NKAIN3: variants seen among roughly 807,000 people sequenced by gnomAD.
NKAIN3 encodes the protein sodium/potassium-transporting ATPase subunit beta-1-interacting protein 3.
A neutral mutation model predicts 30.2 loss-of-function variants in NKAIN3; 25 were observed. That is an observed-to-expected ratio of 0.83 (90% CI 0.60 to 1.16). NKAIN3 has a LOEUF of 1.16. Ranked by LOEUF, NKAIN3 falls within the 50% of genes most tolerant of loss-of-function variation. The pLI is 0.00. For missense variants in NKAIN3, 225 were observed against 254.1 expected (o/e 0.89, Z 0.78); for synonymous variants, 91 against 89.6 (o/e 1.02, Z -0.09).
At chr8:62,936,406 G>A (rs910290284) in intron 5 of NKAIN3, among the ~76,000 whole-genome samples, 5 of 152,074 alleles carry the variant, frequency 3.3e-5, no homozygotes, top group Admixed American at 2.6e-4. Flanking sequence ...AGTGGAGCCT[G>A]GGACTCCATA....
chr8:62,817,401 A>AGTGG (rs1479431783), intron 4 of NKAIN3, among the ~76,000 whole-genome samples: 5 of 152,082 alleles, frequency 3.3e-5, no homozygotes, highest in African/African-American at 1.2e-4. Flanking sequence ...ATTTGTTTCG[A>AGTGG]GTGGGAAGTT....
At chr8:62,870,051 T>C (rs1440381164) in intron 4 of NKAIN3, among the ~76,000 whole-genome samples, 2 of 151,492 alleles carry the variant, frequency 1.3e-5, no homozygotes, top group African/African-American at 4.9e-5. Flanking sequence ...ATTACAGGTG[T>C]GAGCCACCGC....
At chr8:62,782,611 G>A (rs1367853935) in intron 4 of NKAIN3, among the ~76,000 whole-genome samples, 1 of 151,660 alleles carries the variant, frequency 6.6e-6, no homozygotes, top group Non-Finnish European at 1.5e-5. Flanking sequence ...ATAAAGTCAT[G>A]TCATTCACTA....
Position 62,981,440 on chromosome 8 carries a change from C to A in NKAIN3, c.*16033C>A, listed in dbSNP as rs781629518. ...ATTTGGGTGTTAACACTTTGAAATA[C>A]CTTTACCTCCTTTGGGGGAAATCCA... On this transcript the variant is annotated 3_prime_UTR_variant, in exon 7 of 7. Transcript: ENST00000623646. 6.6e-6 allele frequency: 1 copy of A among 152,040 alleles called. No individual in the cohort carries two copies. The highest frequency in any genetic ancestry group is 1.5e-5 in the Non-Finnish European group (1 of 67,994). The allele number at this position is 152,040 out of a possible 1,614,324, so 9.4% of individuals were successfully genotyped here.
At chr8:62,499,835 T>TTTCTTTCC (rs1296092849) in intron 1 of NKAIN3, among the ~76,000 whole-genome samples, 1 of 151,310 alleles carries the variant, frequency 6.6e-6, no homozygotes, top group African/African-American at 2.4e-5. Context: ...TCTTTCTTTC[T>TTTCTTTCC]TTCCTTCTTT....
intron 1 of NKAIN3, among the ~76,000 whole-genome samples, chr8:62,466,792 A>G (rs888880254): frequency 3.3e-5 from 5 of 152,134 alleles, no homozygotes; most frequent in African/African-American, 1.2e-4. Context: ...TTTGCAATCC[A>G]TAGTTCTAAC....
chr8:62,277,072 A>T (rs1357663555), intron 1 of NKAIN3, among the ~76,000 whole-genome samples: 1 of 152,162 alleles, frequency 6.6e-6, no homozygotes, highest in East Asian at 1.9e-4. Flanking sequence ...AAATTTAATA[A>T]TGATGCATAT....
chr8:62,936,784 G>T (rs1320763647), intron 5 of NKAIN3, among the ~76,000 whole-genome samples: 1 of 151,920 alleles, frequency 6.6e-6, no homozygotes, highest in Non-Finnish European at 1.5e-5. Flanking sequence ...TGTTTATTCT[G>T]CTAAAAATGT....
chr8:62,492,679 A>C (rs995899115), intron 1 of NKAIN3, among the ~76,000 whole-genome samples: 1 of 152,174 alleles, frequency 6.6e-6, no homozygotes, highest in African/African-American at 2.4e-5. Flanking sequence ...CCAATTTTGA[A>C]ATTACGCTTT....
chr8:62,667,247 T>C (rs1813135835), intron 3 of NKAIN3, among the ~76,000 whole-genome samples: 1 of 150,034 alleles, frequency 6.7e-6, no homozygotes, highest in African/African-American at 2.5e-5. Context: ...TGTATACATA[T>C]GTAACAAACC....
chr8:62,859,853 A>G (rs1291322696), intron 4 of NKAIN3, among the ~76,000 whole-genome samples: 1 of 152,204 alleles, frequency 6.6e-6, no homozygotes, highest in Non-Finnish European at 1.5e-5. Flanking sequence ...TTTCAGTACC[A>G]TAAAGAAGAT....
At chr8:62,828,571 T>C (rs1236391379) in intron 4 of NKAIN3, among the ~76,000 whole-genome samples, 2 of 152,154 alleles carry the variant, frequency 1.3e-5, no homozygotes, top group Non-Finnish European at 2.9e-5. Flanking sequence ...GTTAATATAA[T>C]AAACTAGCTA....
At chr8:62,618,981 C>T (rs775519051) in intron 3 of NKAIN3, among the ~76,000 whole-genome samples, 2 of 152,068 alleles carry the variant, frequency 1.3e-5, no homozygotes, top group Non-Finnish European at 2.9e-5. Flanking sequence ...GAAGAGATAC[C>T]TACAATTGTT....
chr8:62,770,829 G>C (rs1586179074), intron 4 of NKAIN3, among the ~76,000 whole-genome samples: 1 of 147,914 alleles, frequency 6.8e-6, no homozygotes, highest in East Asian at 2.0e-4. Context: ...CAGAAGCCAA[G>C]ATTAAACCTA....
chr8:62,250,824 T>G (rs1173113045), intron 1 of NKAIN3, among the ~76,000 whole-genome samples: 1 of 152,210 alleles, frequency 6.6e-6, no homozygotes, highest in Non-Finnish European at 1.5e-5. Flanking sequence ...TAAAATTCCA[T>G]TTTTTAATGA....
intron 4 of NKAIN3, among the ~76,000 whole-genome samples, chr8:62,904,515 G>A (rs922905688): frequency 1.3e-5 from 2 of 152,114 alleles, no homozygotes; most frequent in Non-Finnish European, 2.9e-5. Context: ...AAGCAAGGCA[G>A]CAAAAATCTG....
chr8:62,390,295 T>C (rs1171387503), intron 1 of NKAIN3, among the ~76,000 whole-genome samples: 1 of 152,176 alleles, frequency 6.6e-6, no homozygotes, highest in Non-Finnish European at 1.5e-5. Context: ...GAATCTGTGT[T>C]CTTTGGCTTT....
At chr8:62,785,419 G>A (rs181234144) in intron 4 of NKAIN3, among the ~76,000 whole-genome samples, 8 of 152,248 alleles carry the variant, frequency 5.3e-5, no homozygotes, top group African/African-American at 1.7e-4. Context: ...CACTGGGGAT[G>A]GGGTGGTGAG....
intron 5 of NKAIN3, among the ~76,000 whole-genome samples, chr8:62,941,911 A>G (rs1049687741): frequency 1.3e-5 from 2 of 152,102 alleles, no homozygotes; most frequent in African/African-American, 2.4e-5. Flanking sequence ...AGTCTTAGCC[A>G]GAGCAATCAG....
Sources: allele counts gnomAD v4.1 joint callset (sites outside exome capture counted in the v4.1 genomes callset), GRCh38; gene constraint gnomAD v4.1.1; transcripts MANE v1.5; gene names NCBI Gene and HGNC (gene_info 2026-07-23, HGNC 2026-07-21).